Variants in TRPM3 observed in about 807,000 individuals in gnomAD.
TRPM3 encodes the protein transient receptor potential cation channel subfamily M member 3.
Under a neutral mutation model 181.2 loss-of-function variants are expected in TRPM3, and 77 were observed. The observed-to-expected ratio is 0.42, with a 90% CI of 0.35 to 0.51. TRPM3 has a LOEUF of 0.51. Ranked by LOEUF, TRPM3 falls within the 20% of genes least tolerant of loss-of-function variation. The probability of loss-of-function intolerance (pLI) is 0.01; values close to 1 mark genes in which losing one functional copy is unlikely to be tolerated. For missense variants in TRPM3, 1,759 were observed against 2,196.7 expected, an observed-to-expected ratio of 0.80 and a Z score of 3.98; for synonymous variants, 745 against 796.4, an observed-to-expected ratio of 0.94 and a Z score of 1.09.
chr9:70,676,776 C>G (rs1363324421), intron 9 of TRPM3, among the ~76,000 whole-genome samples: 1 of 152,130 alleles, frequency 6.6e-6, no homozygotes, highest in African/African-American at 2.4e-5. Flanking sequence ...GAAGCAGACT[C>G]AGAAGCGAAG....
chr9:71,181,933 A>G (rs578118158), intron 1 of TRPM3, among the ~76,000 whole-genome samples: 1 of 152,190 alleles, frequency 6.6e-6, no homozygotes, highest in African/African-American at 2.4e-5. Context: ...CCACTCAATA[A>G]ATGCAGACTC....
intron 1 of TRPM3, among the ~76,000 whole-genome samples, chr9:70,879,312 A>G (rs1374963846): frequency 2.0e-5 from 3 of 152,072 alleles, no homozygotes; most frequent in Non-Finnish European, 2.9e-5. Context: ...CACTTAAATG[A>G]TTACTGTTGC....
At chr9:71,421,011 G>GAGAGAAAA (rs1563912828) in intron 1 of TRPM3, among the ~76,000 whole-genome samples, 45 of 118,294 alleles carry the variant, frequency 3.8e-4, no homozygotes, top group African/African-American at 1.1e-3. Flanking sequence ...GAGAGAAAAA[G>GAGAGAAAA]AGAGAAAAAG....
intron 21 of TRPM3, among the ~76,000 whole-genome samples, chr9:70,594,175 T>G (rs1442460168): frequency 6.6e-6 from 1 of 150,930 alleles, no homozygotes; most frequent in Non-Finnish European, 1.5e-5. Context: ...TCGGGCAAGC[T>G]GCTTAATCTT....
intron 1 of TRPM3, among the ~76,000 whole-genome samples, chr9:71,238,323 G>A (rs2081480121): frequency 6.6e-6 from 1 of 152,046 alleles, no homozygotes; most frequent in Admixed American, 6.6e-5. Flanking sequence ...AGGTGAAATT[G>A]TAACTCTCTC....
intron 1 of TRPM3, among the ~76,000 whole-genome samples, chr9:71,399,550 A>C (rs1198079322): frequency 7.9e-6 from 1 of 125,816 alleles, no homozygotes; most frequent in African/African-American, 3.4e-5. Context: ...TTTTTTTGAG[A>C]AGGAGTCTCA....
At chr9:70,886,003 C>T (rs538708114) in intron 1 of TRPM3, among the ~76,000 whole-genome samples, 1 of 152,116 alleles carries the variant, frequency 6.6e-6, no homozygotes, top group Non-Finnish European at 1.5e-5. Flanking sequence ...AACTGACTCA[C>T]CAAGAATAAT....
rs553073603 is a variant in TRPM3, at chr9:71,426,114, G to A, written c.183+20539C>T. Among the ~76,000 whole-genome samples the A allele has an allele frequency of 2.1e-4, 32 of 152,146 alleles. 1 individual carries two copies. In the South Asian group the frequency reaches 6.4e-3, roughly 31 times the overall value. On this transcript the variant is annotated intron_variant, in intron 1 of 24. Coordinates refer to the TRPM3 transcript ENST00000357533. ...TTTCATCTACTTGTTTATTGGCTGT[G>A]TCTCCCACTAGACTGTGATCTGCAC... is the stretch of plus-strand genomic sequence containing the variant.
At chr9:71,331,724 AAGGAGGAGAAAAAGG>A (rs1462535224) in intron 1 of TRPM3, among the ~76,000 whole-genome samples, 2 of 84,732 alleles carry the variant, frequency 2.4e-5, no homozygotes, top group African/African-American at 4.7e-5. Context: ...GGAGGAGGAA[AAGGAGGAGAAAAAGG>A]AGGAGGAGGA....
intron 1 of TRPM3, among the ~76,000 whole-genome samples, chr9:71,179,891 G>A (rs1428130510): frequency 6.6e-6 from 1 of 152,012 alleles, no homozygotes; most frequent in Non-Finnish European, 1.5e-5. Flanking sequence ...TCACATGACT[G>A]CAGGACCCAC....
rs931138004 is a variant in TRPM3, at chr9:70,530,213, G to A, written c.*5740C>T. On this transcript the variant is annotated 3_prime_UTR_variant, in exon 26 of 26. Transcript: ENST00000677713. ...CCGCTGTTTCAGCTTACTGTGCGAG[G>A]GTCAACAAGGTATAAAGGTAATGTG... 6.6e-6 allele frequency: 1 copy of A among 152,168 alleles called. No individual in the cohort carries two copies. Among genetic ancestry groups the A allele is most frequent in the African/African-American group, 2.4e-5 (1 of 41,408 alleles). 9.4% of individuals were successfully genotyped at this position (152,168 alleles called of 1,614,324 possible). A position where few individuals can be genotyped will look rare whatever the true frequency, so the allele number is the denominator to read the frequency against.
chr9:71,251,185 T>G (rs1273716769), intron 1 of TRPM3, among the ~76,000 whole-genome samples: 2 of 152,196 alleles, frequency 1.3e-5, no homozygotes, highest in Non-Finnish European at 2.9e-5. Context: ...TTCATTAATA[T>G]TGGTGGATGG....
chr9:70,604,964 C>CTTCTTCTTTT (rs146874864), intron 19 of TRPM3, among the ~76,000 whole-genome samples: 2 of 129,956 alleles, frequency 1.5e-5, no homozygotes, highest in African/African-American at 3.0e-5. Context: ...ATGGATTCTT[C>CTTCTTCTTTT]TTTTTTTTTG....
chr9:70,840,045 T>C (rs2094544931), intron 5 of TRPM3, among the ~76,000 whole-genome samples: 1 of 152,194 alleles, frequency 6.6e-6, no homozygotes, highest in Non-Finnish European at 1.5e-5. Context: ...ACCACCATCA[T>C]TTTATTCAAA....
At chr9:71,333,192 G>T (rs1350091100) in intron 1 of TRPM3, among the ~76,000 whole-genome samples, 2 of 151,858 alleles carry the variant, frequency 1.3e-5, no homozygotes, top group East Asian at 3.9e-4. Flanking sequence ...ATCCGTTAAG[G>T]GGACTGCAAG....
intron 17 of TRPM3, among the ~76,000 whole-genome samples, chr9:70,617,790 C>A (rs193078533): frequency 3.9e-5 from 6 of 152,228 alleles, no homozygotes; most frequent in Admixed American, 2.6e-4. Flanking sequence ...CATGATGAAA[C>A]CCCGTCTGTA....
At chr9:71,286,961 T>TA (rs2132240235) in intron 1 of TRPM3, among the ~76,000 whole-genome samples, 1 of 142,356 alleles carries the variant, frequency 7.0e-6, no homozygotes, top group South Asian at 2.1e-4. Context: ...TTTATATAAA[T>TA]TATATATAAT....
At chr9:71,282,093 GAAAGAAAGA>G (rs1377993518) in intron 1 of TRPM3, among the ~76,000 whole-genome samples, 1 of 82,668 alleles carries the variant, frequency 1.2e-5, no homozygotes, top group Non-Finnish European at 2.6e-5. Flanking sequence ...AAGAAAGAGA[GAAAGAAAGA>G]AAAGAAAGAA....
chr9:70,931,175 C>T (rs1025341956), intron 1 of TRPM3, among the ~76,000 whole-genome samples: 44 of 151,988 alleles, frequency 2.9e-4, no homozygotes, highest in Non-Finnish European at 1.0e-4. Context: ...GGGTTTCTGG[C>T]ATAATGGTAA....
Sources: gnomAD v4.1 joint callset for allele counts (sites outside exome capture counted in the v4.1 genomes callset) on GRCh38, gnomAD v4.1.1 for gene constraint, MANE v1.5 for transcripts, NCBI Gene and HGNC (gene_info 2026-07-23, HGNC 2026-07-21) for gene names.